Variants in SNTG2 observed in about 807,000 individuals in gnomAD.
The protein encoded by SNTG2 is syntrophin gamma 2, also known as gamma-2-syntrophin.
In SNTG2, 74 loss-of-function variants were observed where a neutral mutation model predicts 70.9. The observed-to-expected ratio is 1.04, with a 90% CI of 0.86 to 1.27. SNTG2 has a LOEUF of 1.27. Among genes scored for constraint, SNTG2 ranks in the 50% most tolerant of loss-of-function variants. SNTG2 has a pLI of 0.00. For synonymous variants in SNTG2, 278 were observed against 273.8 expected (o/e 1.02, Z -0.15); for missense variants, 717 against 690.7 (o/e 1.04, Z -0.43).
At chr2:1,071,301 C>T (rs992444847) in intron 1 of SNTG2, among the ~76,000 whole-genome samples, 1 of 150,550 alleles carries the variant, frequency 6.6e-6, no homozygotes, top group Non-Finnish European at 1.5e-5. Flanking sequence ...CACATATACA[C>T]CATGGAATAC....
At chr2:1,141,811 C>T (rs7593052) in intron 6 of SNTG2, among the ~76,000 whole-genome samples, 150,170 of 152,176 alleles carry the variant, frequency 0.99, 74,127 homozygotes, top group East Asian at 1. Context: ...AGCCCCAAGG[C>T]GTGTTTGGGG....
intron 14 of SNTG2, among the ~76,000 whole-genome samples, chr2:1,307,934 A>T (rs1451289448): frequency 1.3e-5 from 2 of 152,230 alleles, no homozygotes; most frequent in African/African-American, 4.8e-5. Context: ...GATGCGCTTC[A>T]GACTGCAGAC....
chr2:1,123,474 A>G (rs576286701), intron 4 of SNTG2, among the ~76,000 whole-genome samples: 1 of 152,360 alleles, frequency 6.6e-6, no homozygotes, highest in East Asian at 1.9e-4. Flanking sequence ...AGTCTTTTCA[A>G]TAAATGTTGC....
At chr2:1,317,497 A>G (rs1475914455) in intron 16 of SNTG2, among the ~76,000 whole-genome samples, 1 of 122,206 alleles carries the variant, frequency 8.2e-6, no homozygotes, top group Non-Finnish European at 1.8e-5. Flanking sequence ...GCATCAGGTC[A>G]GCATTGGAGA....
intron 2 of SNTG2, among the ~76,000 whole-genome samples, chr2:1,083,959 T>C (rs1386758127): frequency 6.6e-6 from 1 of 151,972 alleles, no homozygotes; most frequent in Non-Finnish European, 1.5e-5. Flanking sequence ...GGGAATCACT[T>C]GAATCCAGGA....
intron 9 of SNTG2, among the ~76,000 whole-genome samples, chr2:1,235,668 T>C (rs960252756): frequency 2.0e-5 from 3 of 152,116 alleles, no homozygotes; most frequent in African/African-American, 7.2e-5. Flanking sequence ...ACCCCCACGC[T>C]GCCCCAGGAT....
chr2:966,920 C>G (rs1660586711), intron 1 of SNTG2, among the ~76,000 whole-genome samples: 1 of 152,012 alleles, frequency 6.6e-6, no homozygotes, highest in Non-Finnish European at 1.5e-5. Flanking sequence ...GCCCTCCAGC[C>G]TGGGCGACAG....
At position 1,222,139 on chromosome 2, in the gene SNTG2, C is replaced by CTCTCTG. The variant is rs745838881; in HGVS notation, c.719+12916_719+12921dup. ...TGTCTCTCTCTGTCTCTCTCTGTCTCTCTCTGTCTCTGCCTATCTCTGTCT... is the reference window on the plus strand; with the variant it reads ...TGTCTCTCTCTGTCTCTCTCTGTCTCTCTCTGTCTCTGTCTCTGCCTATCTCTGTCT... On this transcript the variant is annotated intron_variant, in intron 9 of 16. Coordinates refer to ENST00000308624, the MANE Select transcript of SNTG2 (RefSeq NM_018968.4). 1.0e-3 allele frequency among the ~76,000 whole-genome samples: 119 copies of CTCTCTG among 116,112 alleles called. 6 individuals are homozygous for CTCTCTG. The East Asian group carries it at 0.012, about 12-fold the overall frequency. 76.2% of individuals were successfully genotyped at this position (116,112 alleles called of 152,430 possible). A position where few individuals can be genotyped will look rare whatever the true frequency, so the allele number is the denominator to read the frequency against.
intron 4 of SNTG2, among the ~76,000 whole-genome samples, chr2:1,098,801 G>A (rs535882528): frequency 3.9e-4 from 59 of 152,326 alleles, no homozygotes; most frequent in African/African-American, 1.3e-3. Flanking sequence ...GCCTAAGAAC[G>A]TAATGAGCCT....
intron 1 of SNTG2, among the ~76,000 whole-genome samples, chr2:1,003,225 A>G (rs764075303): frequency 1.3e-5 from 2 of 152,108 alleles, no homozygotes; most frequent in Admixed American, 6.5e-5. Flanking sequence ...CTGCACACGT[A>G]CCCCCTAAAT....
intron 9 of SNTG2, among the ~76,000 whole-genome samples, chr2:1,221,469 CTCTG>C (rs201790188): frequency 1.1e-4 from 6 of 56,744 alleles, no homozygotes; most frequent in East Asian, 8.7e-4. Flanking sequence ...GTCTCTGTCT[CTCTG>C]TCTCTCTCTC....
intron 12 of SNTG2, among the ~76,000 whole-genome samples, chr2:1,248,759 C>T (rs1320055037): frequency 6.6e-6 from 1 of 152,136 alleles, no homozygotes; most frequent in Non-Finnish European, 1.5e-5. Context: ...GGACCACGTA[C>T]CACTGACACT....
At chr2:1,302,526 A>G (rs1680498591) in intron 14 of SNTG2, among the ~76,000 whole-genome samples, 1 of 150,044 alleles carries the variant, frequency 6.7e-6, no homozygotes. Flanking sequence ...AAAAATACAG[A>G]TAAATTGGAA....
At chr2:1,169,400 C>T (rs1670973478) in intron 7 of SNTG2, among the ~76,000 whole-genome samples, 1 of 152,118 alleles carries the variant, frequency 6.6e-6, no homozygotes, top group Admixed American at 6.5e-5. Flanking sequence ...GCGTCTAAGC[C>T]AGCTTCCCTG....
intron 8 of SNTG2, among the ~76,000 whole-genome samples, chr2:1,197,680 A>T (rs1415949836): frequency 6.6e-6 from 1 of 151,682 alleles, no homozygotes; most frequent in East Asian, 1.9e-4. Flanking sequence ...GATTACAGGC[A>T]TGCATCATCA....
chr2:1,367,545 G>C lies in SNTG2; in HGVS notation c.*71G>C. On this transcript the variant is annotated 3_prime_UTR_variant, in exon 17 of 17. Coordinates refer to ENST00000308624, the MANE Select transcript of SNTG2 (RefSeq NM_018968.4). ...AAATGATTCTTTCCTGCAGAATATT[G>C]CAACTTTGTGTTGTTTTATGATGAG... The C allele has an allele frequency of 6.6e-7, 1 of 1,509,168 alleles. No individual in the cohort carries two copies. Among genetic ancestry groups the C allele is most frequent in the South Asian group, 1.3e-5 (1 of 78,710 alleles). 93.5% of individuals were successfully genotyped at this position (1,509,168 alleles called of 1,614,324 possible). A position where few individuals can be genotyped will look rare whatever the true frequency, so the allele number is the denominator to read the frequency against.
intron 1 of SNTG2, among the ~76,000 whole-genome samples, chr2:1,041,410 A>G (rs1221471615): frequency 1.3e-5 from 2 of 152,182 alleles, no homozygotes; most frequent in African/African-American, 4.8e-5. Flanking sequence ...TTTCATGTGT[A>G]TAATCAATTG....
At chr2:1,146,766 A>G (rs1271690560) in intron 6 of SNTG2, among the ~76,000 whole-genome samples, 1 of 152,222 alleles carries the variant, frequency 6.6e-6, no homozygotes, top group Non-Finnish European at 1.5e-5. Flanking sequence ...TCTTTCACAG[A>G]AGAGCAAAAA....
At chr2:1,070,143 G>A (rs1663435029) in intron 1 of SNTG2, among the ~76,000 whole-genome samples, 1 of 152,074 alleles carries the variant, frequency 6.6e-6, no homozygotes, top group African/African-American at 2.4e-5. Context: ...TCTGAGGGGC[G>A]GGGGATGGGG....
Sources: gnomAD v4.1 joint callset for allele counts (sites outside exome capture counted in the v4.1 genomes callset) on GRCh38, gnomAD v4.1.1 for gene constraint, MANE v1.5 for transcripts, NCBI Gene and HGNC (gene_info 2026-07-23, HGNC 2026-07-21) for gene names.